NOD2: variants seen among roughly 807,000 people sequenced by gnomAD.
NOD2 encodes the protein nucleotide binding oligomerization domain containing 2, also known as nucleotide-binding oligomerization domain-containing protein 2.
Under a neutral mutation model 90.9 loss-of-function variants are expected in NOD2, and 86 were observed. The observed-to-expected ratio is 0.95, with a 90% CI of 0.79 to 1.13. The LOEUF (loss-of-function observed/expected upper bound fraction) is 1.13. NOD2 is among the 50% of genes most tolerant of loss of function. The pLI is 0.00. For missense variants in NOD2, 1,238 were observed against 1,283.8 expected (o/e 0.96, Z 0.55); for synonymous variants, 581 against 554.6 (o/e 1.05, Z -0.67).
chr16:50,718,672 G>A (rs972965042), intron 6 of NOD2, among the ~76,000 whole-genome samples: 3 of 152,162 alleles, frequency 2.0e-5, no homozygotes, highest in Admixed American at 6.5e-5. Flanking sequence ...GTGTGCCTCC[G>A]TTTCCCCTTC....
intron 2 of NOD2, among the ~76,000 whole-genome samples, chr16:50,701,923 A>G (rs1224276230): frequency 2.6e-5 from 4 of 152,174 alleles, no homozygotes; most frequent in African/African-American, 9.7e-5. Flanking sequence ...GGAAAGAAGG[A>G]AGGCATTTGT....
Position 50,706,945 on chromosome 16 carries a change from G to A in NOD2, c.460-910G>A, listed in dbSNP as rs527390080. Among the ~76,000 whole-genome samples, 29 of 152,122 alleles carry A rather than the reference G, an allele frequency of 1.9e-4. No individual in the cohort carries two copies. In the South Asian group the frequency reaches 5.4e-3, roughly 28 times the overall value. ...ACTCCGGACCTTAGGGGATCTACCCGCCTTGGCCTCCCAAATTGCTGGGAT... is the reference window on the plus strand; with the variant it reads ...ACTCCGGACCTTAGGGGATCTACCCACCTTGGCCTCCCAAATTGCTGGGAT... On this transcript the variant is annotated intron_variant, in intron 2 of 11. Coordinates refer to ENST00000647318, the MANE Select transcript of NOD2 (RefSeq NM_001370466.1).
intron 6 of NOD2, among the ~76,000 whole-genome samples, chr16:50,719,054 T>G (rs1361038289): frequency 6.6e-6 from 1 of 152,078 alleles, no homozygotes; most frequent in African/African-American, 2.4e-5. Flanking sequence ...GAGGAGTTCT[T>G]GAACCAAATT....
At position 50,711,867 on chromosome 16, in the gene NOD2, G is replaced by A. The variant is rs141355588; in HGVS notation, c.1875G>A (p.Ser625=). The A allele has an allele frequency of 1.3e-4, 211 of 1,611,230 alleles. No individual in the cohort carries two copies. Among genetic ancestry groups the A allele is most frequent in the Non-Finnish European group, 1.7e-4 (203 of 1,177,696 alleles). Residue 625 remains serine (S), a synonymous_variant, in exon 4 of 12, where the codon TCG becomes TCA. Transcript: ENST00000647318. ...RLLPTMCIQA[S]EGKDSSVAAL... Reference sequence around the variant, plus strand: ...TGCCCACGATGTGCATCCAGGCCTCGGAGGGAAAGGACAGCAGCGTGGCAG... The same window carrying A: ...TGCCCACGATGTGCATCCAGGCCTCAGAGGGAAAGGACAGCAGCGTGGCAG...
intron 4 of NOD2, chr16:50,712,770 A>G: frequency 6.6e-6 from 2 of 301,938 alleles, no homozygotes; most frequent in East Asian, 8.3e-5. Flanking sequence ...GCCTCCCACC[A>G]GTCTATGGAT....
At chr16:50,719,604 G>A (rs1964951111) in intron 6 of NOD2, 1 of 464,010 alleles carries the variant, frequency 2.2e-6, no homozygotes, top group East Asian at 5.0e-5. Context: ...TGAGACCAGA[G>A]GGAAAGGTGT....
At chr16:50,723,985 G>A (rs1965179661) in intron 9 of NOD2, among the ~76,000 whole-genome samples, 1 of 152,122 alleles carries the variant, frequency 6.6e-6, no homozygotes, top group Non-Finnish European at 1.5e-5. Context: ...GGAGCACTGG[G>A]TATTCAAGTC....
Position 50,710,123 on chromosome 16 carries a change from C to T in NOD2, c.566-435C>T, listed in dbSNP as rs113503001. 1.9e-3 allele frequency: 812 copies of T among 426,202 alleles called. 2 individuals are homozygous for T. The highest frequency in any genetic ancestry group is 0.012 in the African/African-American group (583 of 48,748). 26.4% of individuals were successfully genotyped at this position (426,202 alleles called of 1,614,324 possible). The stretch of plus-strand genomic sequence containing the variant: ...GTGAAGGGATTTATCCAAAGCCACC[C>T]GGCCACTATGGCAGGACAGATATCA... On this transcript the variant is annotated intron_variant, in intron 3 of 11. Transcript: ENST00000647318.
At chr16:50,709,348 G>T (rs544385797) in intron 3 of NOD2, among the ~76,000 whole-genome samples, 9 of 152,216 alleles carry the variant, frequency 5.9e-5, no homozygotes, top group Admixed American at 5.9e-4. Context: ...GAAAATAGTG[G>T]GCCAGTGTTT....
In NOD2 at chr16:50,712,317, G is replaced by T. The variant is rs104895495; in HGVS notation, c.2325G>T (p.Val775=). 3,286 of 1,614,046 alleles carry T rather than the reference G, an allele frequency of 2.0e-3. 3 individuals carry two copies. Among genetic ancestry groups the T allele is most frequent in the Non-Finnish European group, 2.5e-3 (2,978 of 1,180,046 alleles). ...CCCTGCAGCTGGACTACAACTCTGTGGGTGACATTGGCGTGGAGCAGCTGC... is the reference window on the plus strand; with the variant it reads ...CCCTGCAGCTGGACTACAACTCTGTTGGTGACATTGGCGTGGAGCAGCTGC... ...PVALQLDYNS[V]GDIGVEQLLP... The change falls in exon 4 of 12, where the codon GTG becomes GTT. Residue 775 remains valine, a synonymous_variant. Transcript: ENST00000647318.
intron 3 of NOD2, among the ~76,000 whole-genome samples, chr16:50,710,312 C>T (rs1205962170): frequency 1.3e-5 from 2 of 152,158 alleles, no homozygotes; most frequent in African/African-American, 2.4e-5. Context: ...TTAGTTGATC[C>T]GTGTAAAACT....
chr16:50,705,587 T>C (rs899907872), intron 2 of NOD2, among the ~76,000 whole-genome samples: 2 of 152,220 alleles, frequency 1.3e-5, no homozygotes, highest in Non-Finnish European at 2.9e-5. Flanking sequence ...ACCTTTTGCC[T>C]GGGGATAAAC....
chr16:50,705,924 A>C (rs114671178), intron 2 of NOD2, among the ~76,000 whole-genome samples: 1 of 152,252 alleles, frequency 6.6e-6, no homozygotes, highest in African/African-American at 2.4e-5. Context: ...GAGAGGGACA[A>C]TAAGCCAAAG....
At chr16:50,729,929 G>T in intron 11 of NOD2, 28 bp downstream of exon 11, 3 of 1,569,194 alleles carry the variant, frequency 1.9e-6, no homozygotes, top group Non-Finnish European at 2.6e-6. Context: ...GCCTGTTTTA[G>T]CTCTCCGAAC....
At chr16:50,716,281 G>A (rs1461642535) in intron 4 of NOD2, among the ~76,000 whole-genome samples, 2 of 152,194 alleles carry the variant, frequency 1.3e-5, no homozygotes, top group African/African-American at 4.8e-5. Context: ...TGATTATCAT[G>A]TTCCTTTTGC....
rs1964565205 is a variant in NOD2 at position 50,712,208 on chromosome 16, A to G, written c.2216A>G (p.His739Arg). ...GCTGCACGTGGCCTGAATGTTGGGC[A>G]CCTCAAGTTGACATTTTGCAGTGTG... ...RKAARGLNVGHLKLTFCSVGP... is the reference protein window; with the variant it reads ...RKAARGLNVGRLKLTFCSVGP... Residue 739 changes from histidine (H) to arginine (R), a missense_variant, in exon 4 of 12, where the codon CAC becomes CGC. Physicochemically the swap from His to Arg is conservative, Grantham distance 29. Coordinates refer to ENST00000647318, the MANE Select transcript of NOD2 (RefSeq NM_001370466.1). The G allele has an allele frequency of 1.9e-6, 3 of 1,613,772 alleles. No homozygotes were observed. The highest frequency in any genetic ancestry group is 2.5e-6 in the Non-Finnish European group (3 of 1,180,034).
chr16:50,703,282 A>G (rs911007226), intron 2 of NOD2, among the ~76,000 whole-genome samples: 1 of 152,160 alleles, frequency 6.6e-6, no homozygotes, highest in Admixed American at 6.5e-5. Flanking sequence ...TAAATCCCCA[A>G]ATAATGTATT....
intron 2 of NOD2, among the ~76,000 whole-genome samples, chr16:50,705,228 T>TA: frequency 6.6e-6 from 1 of 152,346 alleles, no homozygotes; most frequent in South Asian, 2.1e-4. Context: ...TGTAGTATCT[T>TA]ACTCTTGTTT....
At chr16:50,723,174 C>T (rs1289750412) in intron 8 of NOD2, 127 bp from the exon 9 acceptor site, 5 of 673,786 alleles carry the variant, frequency 7.4e-6, no homozygotes, top group Non-Finnish European at 1.1e-5. Context: ...AAGAGCACCG[C>T]AATCAATTAG....
Sources: gnomAD v4.1 joint callset for allele counts (sites outside exome capture counted in the v4.1 genomes callset) on GRCh38, gnomAD v4.1.1 for gene constraint, MANE v1.5 for transcripts, NCBI Gene and HGNC (gene_info 2026-07-23, HGNC 2026-07-21) for gene names.